The following LRRC69 variants were observed in gnomAD, a reference collection of about 807,000 sequenced individuals.
The protein encoded by LRRC69 is leucine-rich repeat-containing protein 69.
Under a neutral mutation model 37.8 loss-of-function variants are expected in LRRC69, and 42 were observed. The ratio of observed to expected loss-of-function variants is 1.11; its 90% CI spans 0.87 to 1.44. The LOEUF (loss-of-function observed/expected upper bound fraction) is 1.44. LRRC69 is among the 40% of genes most tolerant of loss of function. LRRC69 has a pLI of 0.00. For synonymous variants in LRRC69, 141 were observed against 143.1 expected, an observed-to-expected ratio of 0.99 and a Z score of 0.11; for missense variants, 357 against 401.9, an observed-to-expected ratio of 0.89 and a Z score of 0.96.
chr8:91,142,011 C>G (rs1235207452), intron 5 of LRRC69, among the ~76,000 whole-genome samples: 2 of 151,752 alleles, frequency 1.3e-5, no homozygotes, highest in Non-Finnish European at 2.9e-5. Context: ...GTGATTCAGT[C>G]TTTTCAACAG....
At chr8:91,212,596 T>C (rs1809951343) in intron 7 of LRRC69, among the ~76,000 whole-genome samples, 1 of 152,214 alleles carries the variant, frequency 6.6e-6, no homozygotes, top group Non-Finnish European at 1.5e-5. Flanking sequence ...ATTTTACTCA[T>C]TACTTATAAA....
At chr8:91,212,438 C>A (rs887669552) in intron 7 of LRRC69, among the ~76,000 whole-genome samples, 1 of 152,144 alleles carries the variant, frequency 6.6e-6, no homozygotes, top group Non-Finnish European at 1.5e-5. Context: ...GTAATTAAAA[C>A]TACCCTCAAA....
rs1011754879 is a variant in LRRC69 at position 91,160,940 on chromosome 8, C to T, written c.651+25201C>T. 4.0e-5 allele frequency among the ~76,000 whole-genome samples: 6 copies of T among 151,368 alleles called. No homozygotes were observed. The East Asian group carries it at 5.8e-4, about 15-fold the overall frequency. On this transcript the variant is annotated intron_variant, in intron 5 of 7. Transcript: ENST00000448384. ...GATTTTACTGTGGGTTTATCACATACGGCCTTTACTTTGTTTAGTCATATT... is the reference window on the plus strand; with the variant it reads ...GATTTTACTGTGGGTTTATCACATATGGCCTTTACTTTGTTTAGTCATATT...
At chr8:91,213,280 T>G (rs1265044318) in intron 7 of LRRC69, among the ~76,000 whole-genome samples, 1 of 152,170 alleles carries the variant, frequency 6.6e-6, no homozygotes, top group African/African-American at 2.4e-5. Flanking sequence ...AAGGGTGGAA[T>G]GACCATATAA....
intron 5 of LRRC69, among the ~76,000 whole-genome samples, chr8:91,154,183 A>G (rs2130552571): frequency 6.6e-6 from 1 of 151,994 alleles, no homozygotes; most frequent in South Asian, 2.1e-4. Flanking sequence ...CAAATTCTTG[A>G]ATAGACCAAT....
At chr8:91,162,559 T>C (rs1808963809) in intron 5 of LRRC69, among the ~76,000 whole-genome samples, 1 of 151,440 alleles carries the variant, frequency 6.6e-6, no homozygotes, top group African/African-American at 2.4e-5. Flanking sequence ...TCATCTAATG[T>C]AAGTATAGTT....
chr8:91,158,367 A>C (rs1586254496), intron 5 of LRRC69: 2 of 1,433,262 alleles, frequency 1.4e-6, no homozygotes, highest in East Asian at 4.6e-5. Flanking sequence ...TGGTATTTAG[A>C]TGACAACATC....
intron 7 of LRRC69, among the ~76,000 whole-genome samples, chr8:91,203,743 TC>T (rs1472396885): frequency 6.6e-6 from 1 of 151,770 alleles, no homozygotes; most frequent in Non-Finnish European, 1.5e-5. Context: ...TACCAAAGAA[TC>T]TTTTAAAAAA....
At chr8:91,169,237 C>T (rs987576732) in intron 5 of LRRC69, among the ~76,000 whole-genome samples, 10 of 151,714 alleles carry the variant, frequency 6.6e-5, no homozygotes, top group African/African-American at 2.2e-4. Flanking sequence ...GAACAACAGA[C>T]ACAGCGGCCT....
At chr8:91,162,287 T>C (rs1451452278) in intron 5 of LRRC69, among the ~76,000 whole-genome samples, 3 of 151,444 alleles carry the variant, frequency 2.0e-5, no homozygotes, top group Non-Finnish European at 4.4e-5. Flanking sequence ...GTAGTGCAGT[T>C]TAAGTCTGAT....
chr8:91,197,653 C>T (rs896111177), intron 6 of LRRC69, among the ~76,000 whole-genome samples: 2 of 152,178 alleles, frequency 1.3e-5, no homozygotes, highest in African/African-American at 4.8e-5. Context: ...AGGGAACTCC[C>T]TGACCCCTTG....
At chr8:91,131,728 C>T (rs757692280) in intron 3 of LRRC69, among the ~76,000 whole-genome samples, 36 of 151,958 alleles carry the variant, frequency 2.4e-4, no homozygotes, top group Non-Finnish European at 5.1e-4. Context: ...GTTTGTGACT[C>T]GGCATTATTT....
chr8:91,142,199 T>A (rs1389032656), intron 5 of LRRC69, among the ~76,000 whole-genome samples: 3 of 151,970 alleles, frequency 2.0e-5, no homozygotes, highest in Non-Finnish European at 4.4e-5. Context: ...GTTTTAATGA[T>A]CATCACCAGG....
At chr8:91,180,176 A>C (rs1252115792) in intron 5 of LRRC69, among the ~76,000 whole-genome samples, 1 of 152,198 alleles carries the variant, frequency 6.6e-6, no homozygotes, top group Non-Finnish European at 1.5e-5. Context: ...GAGGATTAGG[A>C]ATCTGAGAGT....
At chr8:91,113,909 A>G (rs1471163885) in intron 1 of LRRC69, among the ~76,000 whole-genome samples, 1 of 147,050 alleles carries the variant, frequency 6.8e-6, no homozygotes, top group Non-Finnish European at 1.5e-5. Flanking sequence ...AAAGGGGCCA[A>G]TAGGAGGATC....
intron 5 of LRRC69, among the ~76,000 whole-genome samples, chr8:91,146,455 A>C (rs1170545238): frequency 6.6e-6 from 1 of 151,856 alleles, no homozygotes; most frequent in African/African-American, 2.4e-5. Flanking sequence ...AAAATTAAAA[A>C]TATTATAAAG....
chr8:91,171,959 T>A (rs5012826), intron 5 of LRRC69, among the ~76,000 whole-genome samples: 101,218 of 150,668 alleles, frequency 0.67, 34,494 homozygotes, highest in African/African-American at 0.73. Context: ...GTTTTTTTTT[T>A]AAAAAATGGA....
chr8:91,189,628 A>C lies in LRRC69; in HGVS notation c.753+5A>C. ...GAGAACGTCTGGAGTCTACAGGTGA[A>C]GACTTACCTCATTAACTTAAGTCTT... On this transcript the variant is annotated splice_donor_5th_base_variant and intron_variant, in intron 6 of 7. Coordinates refer to ENST00000448384, the Ensembl canonical transcript of LRRC69. 6.6e-7 allele frequency: 1 copy of C among 1,518,050 alleles called. No individual in the cohort carries two copies. Among genetic ancestry groups the C allele is most frequent in the Non-Finnish European group, 8.9e-7 (1 of 1,125,510 alleles). 94.0% of individuals were successfully genotyped at this position (1,518,050 alleles called of 1,614,324 possible).
intron 5 of LRRC69, among the ~76,000 whole-genome samples, chr8:91,144,489 C>A (rs926316026): frequency 6.6e-6 from 1 of 151,946 alleles, no homozygotes; most frequent in Non-Finnish European, 1.5e-5. Context: ...TCTGTCTTAC[C>A]CTTTCCCTCT....
Sources: gnomAD v4.1 joint callset for allele counts (sites outside exome capture counted in the v4.1 genomes callset) on GRCh38, gnomAD v4.1.1 for gene constraint, MANE v1.5 for transcripts, NCBI Gene and HGNC (gene_info 2026-07-23, HGNC 2026-07-21) for gene names.